AGTPBP1: variants seen among roughly 807,000 people sequenced by gnomAD.
The protein encoded by AGTPBP1 is cytosolic carboxypeptidase 1.
In AGTPBP1, 70 loss-of-function variants were observed where a neutral mutation model predicts 143.9. The ratio of observed to expected loss-of-function variants is 0.49; its 90% CI spans 0.40 to 0.59. The LOEUF is 0.59. AGTPBP1 is among the 20% of genes least tolerant of loss of function. The pLI is 0.00. For synonymous variants in AGTPBP1, 463 were observed against 500.2 expected (o/e 0.93, Z 0.99); for missense variants, 1,229 against 1,464.5 (o/e 0.84, Z 2.62).
chr9:85,623,121 G>A (rs1398432145), intron 14 of AGTPBP1, among the ~76,000 whole-genome samples: 2 of 152,160 alleles, frequency 1.3e-5, no homozygotes, highest in Admixed American at 6.5e-5. Flanking sequence ...TGACGGGCAG[G>A]AACTGTGAAA....
At chr9:85,763,851 A>G in the AGTPBP1 span, among the ~76,000 whole-genome samples, 9 of 152,328 alleles carry the variant, frequency 5.9e-5, no homozygotes, top group East Asian at 3.9e-4. Context: ...TTATGATAGT[A>G]TGTGTCTCTA....
intron 8 of AGTPBP1, among the ~76,000 whole-genome samples, chr9:85,668,955 A>C (rs1170474440): frequency 1.5e-5 from 2 of 133,826 alleles, no homozygotes; most frequent in Non-Finnish European, 3.1e-5. Context: ...ATAAAAATAC[A>C]TACATACATA....
chr9:85,741,964 C>T, upstream of AGTPBP1: 2 of 1,252,494 alleles, frequency 1.6e-6, no homozygotes, highest in Non-Finnish European at 2.0e-6. Context: ...TGTCCGCATC[C>T]CGGGCAACGT....
At chr9:85,764,910 A>C in the AGTPBP1 span, 1 of 1,096,814 alleles carries the variant, frequency 9.1e-7, no homozygotes, top group Non-Finnish European at 1.4e-6. Flanking sequence ...AAAATGGTAG[A>C]GTGTTATCAC....
intron 18 of AGTPBP1, among the ~76,000 whole-genome samples, chr9:85,594,742 C>A (rs1351953811): frequency 6.6e-6 from 1 of 152,076 alleles, no homozygotes; most frequent in African/African-American, 2.4e-5. Context: ...AAAGACAGAA[C>A]CTAAATTAAA....
At chr9:85,566,207 G>A (rs2132917137) in intron 25 of AGTPBP1, among the ~76,000 whole-genome samples, 1 of 152,200 alleles carries the variant, frequency 6.6e-6, no homozygotes, top group African/African-American at 2.4e-5. Context: ...CAAAGTGTGA[G>A]CAAAAGGCTT....
the AGTPBP1 span, among the ~76,000 whole-genome samples, chr9:85,757,401 A>G: frequency 1.3e-5 from 2 of 152,098 alleles, no homozygotes; most frequent in African/African-American, 4.8e-5. Context: ...ACTGCATGGT[A>G]TGTAGATTAT....
chr9:85,643,060 CTGA>C, intron 12 of AGTPBP1, 117 bp from the exon 13 acceptor site: 1 of 683,640 alleles, frequency 1.5e-6, no homozygotes, highest in Non-Finnish European at 2.5e-6. Flanking sequence ...AGAATAATTA[CTGA>C]ATAAATACTG....
chr9:85,688,096 TAAAAAAAAAA>T (rs58523894), intron 3 of AGTPBP1, among the ~76,000 whole-genome samples: 51 of 34,692 alleles, frequency 1.5e-3, no homozygotes, highest in African/African-American at 5.6e-3. Context: ...GTCTCAAAAT[TAAAAAAAAAA>T]AAAAAAAAAA....
intron 23 of AGTPBP1, 92 bp from the exon 24 acceptor site, chr9:85,579,188 A>T: frequency 7.8e-7 from 1 of 1,284,496 alleles, no homozygotes; most frequent in Non-Finnish European, 1.1e-6. Flanking sequence ...AAACACAGTA[A>T]TTAGAGCAAA....
At chr9:85,641,171 C>G (rs1179708439) in intron 13 of AGTPBP1, among the ~76,000 whole-genome samples, 1 of 152,146 alleles carries the variant, frequency 6.6e-6, no homozygotes, top group African/African-American at 2.4e-5. Context: ...TGGAACCTAT[C>G]TCCCACGGAT....
intron 25 of AGTPBP1, among the ~76,000 whole-genome samples, chr9:85,549,877 C>G (rs1317867467): frequency 6.6e-6 from 1 of 152,206 alleles, no homozygotes; most frequent in South Asian, 2.1e-4. Context: ...GAGAAGAACT[C>G]CATTCATTTC....
chr9:85,768,652 T>A, the AGTPBP1 span, among the ~76,000 whole-genome samples: 1 of 152,194 alleles, frequency 6.6e-6, no homozygotes, highest in Admixed American at 6.5e-5. Context: ...ATTATTTTAT[T>A]CCTTATGGAG....
chr9:85,726,056 CAAAAAAAAA>C (rs948203314), intron 1 of AGTPBP1, among the ~76,000 whole-genome samples: 8 of 40,786 alleles, frequency 2.0e-4, no homozygotes, highest in African/African-American at 3.7e-4. Flanking sequence ...GACTCCATCT[CAAAAAAAAA>C]AAAAAAAAAA....
the AGTPBP1 span, chr9:85,756,133 C>T: frequency 3.5e-5 from 57 of 1,608,702 alleles, no homozygotes; most frequent in Middle Eastern, 3.3e-4. Context: ...TGAACCAATG[C>T]CAAGAATTAG....
At chr9:85,588,162 C>G (rs1828732341) in intron 21 of AGTPBP1, 136 bp downstream of exon 21, 1 of 676,740 alleles carries the variant, frequency 1.5e-6, no homozygotes, top group Non-Finnish European at 2.3e-6. Flanking sequence ...AAAAGTTTAT[C>G]TTAATTTCCC....
At chr9:85,800,874 T>G in the AGTPBP1 span, among the ~76,000 whole-genome samples, 4 of 151,320 alleles carry the variant, frequency 2.6e-5, 1 homozygote, top group South Asian at 4.2e-4. Flanking sequence ...AACCTCATAA[T>G]TCTACCCCTA....
At chr9:85,664,673 T>C (rs926007592) in intron 8 of AGTPBP1, among the ~76,000 whole-genome samples, 4 of 152,182 alleles carry the variant, frequency 2.6e-5, no homozygotes, top group Non-Finnish European at 5.9e-5. Flanking sequence ...GGTTACTCTG[T>C]TTAATTTCTA....
intron 10 of AGTPBP1, among the ~76,000 whole-genome samples, chr9:85,655,867 A>G (rs187663008): frequency 6.6e-6 from 1 of 152,222 alleles, no homozygotes; most frequent in Admixed American, 6.5e-5. Context: ...TCGCTCTGTC[A>G]CCCAGGCTGG....
Sources: allele counts gnomAD v4.1 joint callset (sites outside exome capture counted in the v4.1 genomes callset), GRCh38; gene constraint gnomAD v4.1.1; transcripts MANE v1.5; gene names NCBI Gene and HGNC (gene_info 2026-07-23, HGNC 2026-07-21).